NSUN7: variants seen among roughly 807,000 people sequenced by gnomAD.
The protein encoded by NSUN7 is NOP2/Sun RNA methyltransferase family member 7, also known as protein NSUN7.
A neutral mutation model predicts 58.5 loss-of-function variants in NSUN7; 39 were observed. The observed-to-expected ratio is 0.67, with a 90% CI of 0.52 to 0.87. The LOEUF (loss-of-function observed/expected upper bound fraction) is 0.87. Ranked by LOEUF, NSUN7 falls within the 40% of genes least tolerant of loss-of-function variation. NSUN7 has a pLI of 0.00. For missense variants in NSUN7, 765 were observed against 844.1 expected, an observed-to-expected ratio of 0.91 and a Z score of 1.16; for synonymous variants, 278 against 303.7, an observed-to-expected ratio of 0.92 and a Z score of 0.88.
chr4:40,760,862 CAAAAAA>C (rs540410744), intron 3 of NSUN7, among the ~76,000 whole-genome samples: 4 of 60,198 alleles, frequency 6.6e-5, no homozygotes, highest in African/African-American at 2.1e-4. Context: ...AACTCCGTCT[CAAAAAA>C]AAAAAAAAAA....
intron 10 of NSUN7, among the ~76,000 whole-genome samples, chr4:40,805,525 C>A (rs1743775401): frequency 6.6e-6 from 1 of 152,180 alleles, no homozygotes; most frequent in Non-Finnish European, 1.5e-5. Context: ...CAGATCCACC[C>A]AGATAATATC....
rs1373249912 is a variant in NSUN7 at position 40,750,214 on chromosome 4, C to G, written c.-178C>G. 1.3e-5 allele frequency: 2 copies of G among 153,844 alleles called. No individual in the cohort carries two copies. The highest frequency in any genetic ancestry group is 1.4e-5 in the Non-Finnish European group (1 of 69,248). 9.5% of individuals were successfully genotyped at this position (153,844 alleles called of 1,614,324 possible). ...CCTTCGCGGGCAGCAGCCGTCGCCCCGCAGTCCCGGGGCTCCCAAGGGCCT... is the reference window on the plus strand; with the variant it reads ...CCTTCGCGGGCAGCAGCCGTCGCCCGGCAGTCCCGGGGCTCCCAAGGGCCT... On this transcript the variant is annotated 5_prime_UTR_variant, in exon 1 of 12. Transcript: ENST00000381782.
At chr4:40,754,022 C>A (rs1243676886) in intron 2 of NSUN7, among the ~76,000 whole-genome samples, 2 of 152,114 alleles carry the variant, frequency 1.3e-5, no homozygotes, top group African/African-American at 4.8e-5. Flanking sequence ...TTATCAGCAG[C>A]ATAAAAATGG....
At chr4:40,757,672 GTGTATATATATACACAC>G (rs1741224897) in intron 2 of NSUN7, among the ~76,000 whole-genome samples, 2 of 144,180 alleles carry the variant, frequency 1.4e-5, no homozygotes, top group Non-Finnish European at 3.0e-5. Flanking sequence ...TATACATTGT[GTGTATATATATACACAC>G]TGTGTATATA....
rs1406588396 is a variant in NSUN7, at chr4:40,775,049, T to C, written c.825+99T>C. On this transcript the variant is annotated intron_variant, in intron 6 of 11. Transcript: ENST00000381782. This position sits in a 1 kb window ranked among gnomAD's most constrained non-coding sequence, Gnocchi z 4.3. ...AAACCTAACACTGTTTATATTTTTA[T>C]AGATTATCAGGGAGGTTTATAAGGC... 1.8e-6 allele frequency: 1 copy of C among 557,522 alleles called. No homozygotes were observed. The highest frequency in any genetic ancestry group is 3.1e-5 in the East Asian group (1 of 32,082). The allele number at this position is 557,522 out of a possible 1,614,324, so 34.5% of individuals were successfully genotyped here.
chr4:40,760,109 C>T (rs1036844980), intron 2 of NSUN7, among the ~76,000 whole-genome samples: 4 of 152,130 alleles, frequency 2.6e-5, no homozygotes, highest in African/African-American at 7.2e-5. Flanking sequence ...AAAACTATTG[C>T]TCAACATTAT....
intron 9 of NSUN7, among the ~76,000 whole-genome samples, chr4:40,798,020 A>G (rs895813170): frequency 6.6e-6 from 1 of 151,890 alleles, no homozygotes; most frequent in South Asian, 2.1e-4. Context: ...CCTTATCTCC[A>G]TCTAGTCTAC....
chr4:40,763,413 A>T (rs543533627), intron 4 of NSUN7, among the ~76,000 whole-genome samples: 1 of 152,284 alleles, frequency 6.6e-6, no homozygotes, highest in East Asian at 1.9e-4. Context: ...TTGGAGCAAT[A>T]TGCTATGGGA....
At chr4:40,788,702 T>G (rs947706496) in intron 7 of NSUN7, among the ~76,000 whole-genome samples, 10 of 152,138 alleles carry the variant, frequency 6.6e-5, no homozygotes, top group Non-Finnish European at 1.3e-4. Context: ...ATCCTGGCAG[T>G]GTTCACCACA....
intron 7 of NSUN7, chr4:40,786,661 G>T: frequency 6.3e-7 from 1 of 1,582,968 alleles, no homozygotes; most frequent in East Asian, 2.2e-5. Context: ...GAAACTACAT[G>T]ATATGATCAT....
intron 4 of NSUN7, among the ~76,000 whole-genome samples, chr4:40,767,293 C>T (rs1577552528): frequency 2.0e-5 from 3 of 152,156 alleles, no homozygotes; most frequent in South Asian, 2.1e-4. Context: ...TCTTTGTTCT[C>T]GCCAGTTTCA....
intron 4 of NSUN7, among the ~76,000 whole-genome samples, chr4:40,769,823 C>T (rs1741912113): frequency 1.3e-5 from 2 of 152,334 alleles, no homozygotes; most frequent in South Asian, 4.1e-4. Context: ...ACCTGTTTCA[C>T]TTACCTAGTA....
chr4:40,779,218 A>G (rs1412510554), intron 7 of NSUN7, among the ~76,000 whole-genome samples: 1 of 152,168 alleles, frequency 6.6e-6, no homozygotes, highest in Non-Finnish European at 1.5e-5. Flanking sequence ...GCTACTCAGG[A>G]TGCTGAAGTG....
At chr4:40,764,596 GTA>G (rs1741622485) in intron 4 of NSUN7, among the ~76,000 whole-genome samples, 4 of 152,146 alleles carry the variant, frequency 2.6e-5, no homozygotes, top group African/African-American at 4.8e-5. Context: ...TATATACCCA[GTA>G]ACGGGATAGC....
chr4:40,773,064 A>G (rs986699348), intron 4 of NSUN7: 2 of 152,222 alleles, frequency 1.3e-5, no homozygotes, highest in East Asian at 3.8e-4. Flanking sequence ...AGCATGGGAC[A>G]TTCAGAACTG....
chr4:40,781,223 T>G (rs1742550580), intron 7 of NSUN7, among the ~76,000 whole-genome samples: 1 of 151,966 alleles, frequency 6.6e-6, no homozygotes, highest in Admixed American at 6.6e-5. Context: ...CCAGATAATT[T>G]TTTTGTATTT....
At position 40,802,800 on chromosome 4, in the gene NSUN7, T is replaced by TA. The variant is rs757417463; in HGVS notation, c.1400+3898dup. ...ATTCTATTCTTTTTTTTTTTTTTTT[T>TA]AATTAAACTTCAAGTTTCAGGGTAC... is the stretch of plus-strand genomic sequence containing the variant. On this transcript the variant is annotated intron_variant, in intron 10 of 11. Coordinates refer to ENST00000381782, the MANE Select transcript of NSUN7 (RefSeq NM_024677.6). 7.3e-4 allele frequency among the ~76,000 whole-genome samples: 107 copies of TA among 145,996 alleles called. No homozygotes were observed. In the Middle Eastern group the frequency reaches 0.014, roughly 19 times the overall value.
intron 7 of NSUN7, among the ~76,000 whole-genome samples, chr4:40,783,206 T>TA (rs1742658744): frequency 6.6e-6 from 1 of 152,166 alleles, no homozygotes; most frequent in Admixed American, 6.5e-5. Context: ...AGTTCAGAAA[T>TA]AAACCCTTAC....
intron 6 of NSUN7, 35 bp from the exon 7 acceptor site, chr4:40,776,014 C>T: frequency 7.5e-7 from 1 of 1,332,090 alleles, no homozygotes; most frequent in Non-Finnish European, 1.1e-6. Context: ...TCTAGCCATA[C>T]CCTTTGAAAT....
Sources: gnomAD v4.1 joint callset for allele counts (sites outside exome capture counted in the v4.1 genomes callset) on GRCh38, gnomAD v4.1.1 for gene constraint, Gnocchi (gnomAD v3.1) non-coding constraint, MANE v1.5 for transcripts, NCBI Gene and HGNC (gene_info 2026-07-23, HGNC 2026-07-21) for gene names.